The following SEMA3F variants were observed in gnomAD, a reference collection of about 807,000 sequenced individuals.
SEMA3F encodes the protein semaphorin-3F.
A neutral mutation model predicts 98.5 loss-of-function variants in SEMA3F; 30 were observed. The ratio of observed to expected loss-of-function variants is 0.30; its 90% CI spans 0.23 to 0.41. The LOEUF (loss-of-function observed/expected upper bound fraction) is 0.41, where lower values mean the gene tolerates loss of function less well. Among genes scored for constraint, SEMA3F ranks in the 10% least tolerant of loss-of-function variants. The pLI is 1.00. For synonymous variants in SEMA3F, 380 were observed against 444.8 expected (o/e 0.85, Z 1.83); for missense variants, 866 against 1,119.3 (o/e 0.77, Z 3.23).
chr3:50,183,659 C>T, intron 12 of SEMA3F, 95 bp downstream of exon 12: 1 of 1,374,948 alleles, frequency 7.3e-7, no homozygotes, highest in Non-Finnish European at 1.0e-6. Flanking sequence ...CATCATGGCC[C>T]TCCCAGCCAG....
intron 5 of SEMA3F, 51 bp from the exon 6 acceptor site, chr3:50,175,045 C>G: frequency 1.5e-6 from 2 of 1,309,414 alleles, no homozygotes; most frequent in Non-Finnish European, 2.2e-6. Flanking sequence ...CGAGCCCGCT[C>G]CCCCAGCCCC....
rs527805102 is a variant in SEMA3F at position 50,158,617 on chromosome 3, A to G, written c.-48-958A>G. 6.6e-6 allele frequency among the ~76,000 whole-genome samples: 1 copy of G among 152,114 alleles called. No individual in the cohort carries two copies. Among genetic ancestry groups the G allele is most frequent in the African/African-American group, 2.4e-5 (1 of 41,474 alleles). Reference sequence around the variant, plus strand: ...GGAGTACACAGGGCAGATCTGGGGGATGGGGCTCACATTTTCAGTCTCGAT... The same window carrying G: ...GGAGTACACAGGGCAGATCTGGGGGGTGGGGCTCACATTTTCAGTCTCGAT... On this transcript the variant is annotated intron_variant, in intron 1 of 18. Transcript: ENST00000002829. The surrounding 1 kb of genome is among the most constrained non-coding windows in gnomAD (Gnocchi z 4.8).
rs754266309 is a variant in SEMA3F at position 50,159,647 on chromosome 3, T to A, written c.25T>A (p.Trp9Arg). MLVAGLLL[W>R]ASLLTGAWPS... The stretch of plus-strand genomic sequence containing the variant: ...AATGCTTGTCGCCGGTCTTCTTCTC[T>A]GGGCTTCCCTACTGACCGGGGCCTG... The change falls in exon 2 of 19, where the codon TGG becomes AGG. Residue 9 changes from tryptophan (W) to arginine (R), a missense_variant. This residue lies in a region of SEMA3F where 247 missense variants were observed against 276.0 expected (regional missense o/e 0.89). Transcript: ENST00000002829. 6.2e-7 allele frequency: 1 copy of A among 1,612,376 alleles called. No individual in the cohort carries two copies.
intron 2 of SEMA3F, among the ~76,000 whole-genome samples, chr3:50,172,175 G>A (rs1238518836): frequency 1.3e-5 from 2 of 152,194 alleles, no homozygotes; most frequent in Non-Finnish European, 2.9e-5. Flanking sequence ...GGGGAGATGA[G>A]ACATGTGTGA....
chr3:50,183,535 G>A lies in SEMA3F; in HGVS notation c.1204G>A (p.Gly402Arg). 1 of 1,614,052 alleles carries A rather than the reference G, an allele frequency of 6.2e-7. No homozygotes were observed. Among genetic ancestry groups the A allele is most frequent in the East Asian group, 2.2e-5 (1 of 44,886 alleles). The part of the protein sequence containing the change: ...GPNYQWMPFS[G>R]KMPYPRPGTC... ...CAACTACCAGTGGATGCCCTTCTCA[G>A]GGAAGATGCCCTACCCACGGCCGGG... The change falls in exon 12 of 19, where the codon GGG (glycine) becomes AGG (arginine). Residue 402 changes from glycine (G) to arginine (R), a missense_variant. Gly to Arg is a moderately radical substitution (Grantham distance 125). Around this residue, in one of 3 missense-constraint regions of SEMA3F, gnomAD observed 374 missense variants for 582.8 expected, o/e 0.64. Transcript: ENST00000002829.
rs374355347 is a variant in SEMA3F at position 50,174,042 on chromosome 3, C to G, written c.274-10C>G. The G allele has an allele frequency of 8.4e-5, 135 of 1,614,100 alleles. No homozygotes were observed. In the East Asian group the frequency reaches 2.1e-3, roughly 25 times the overall value. On this transcript the variant is annotated splice_polypyrimidine_tract_variant and intron_variant, in intron 3 of 18. Transcript: ENST00000002829. Reference sequence around the variant, plus strand: ...CAGAAGGCTGCACCTTCTGACCCCCCTCTCTGCAGATACACTGGGCAGCCT... The same window carrying G: ...CAGAAGGCTGCACCTTCTGACCCCCGTCTCTGCAGATACACTGGGCAGCCT...
At position 50,183,416 on chromosome 3, in the gene SEMA3F, A is replaced by G. The variant is rs540063688; in HGVS notation, c.1089-4A>G. On this transcript the variant is annotated splice_region_variant and splice_polypyrimidine_tract_variant and intron_variant, in intron 11 of 18. Transcript: ENST00000002829. ...CTGCTCAGCAGCGCCTGCCATGCCCACAGCTCCGTGTTCCGAGGCTCTGCC... is the reference window on the plus strand; with the variant it reads ...CTGCTCAGCAGCGCCTGCCATGCCCGCAGCTCCGTGTTCCGAGGCTCTGCC... 5.0e-6 allele frequency: 8 copies of G among 1,613,748 alleles called. No homozygotes were observed. The highest frequency in any genetic ancestry group is 5.1e-6 in the Non-Finnish European group (6 of 1,179,942).
chr3:50,178,519 G>C (rs1040135456), intron 7 of SEMA3F, among the ~76,000 whole-genome samples: 20 of 151,704 alleles, frequency 1.3e-4, no homozygotes, highest in Non-Finnish European at 2.8e-4. Flanking sequence ...TCAGGAGTTC[G>C]AGACCAGGCT....
At position 50,166,645 on chromosome 3, in the gene SEMA3F, G is replaced by A. The variant is rs957137961; in HGVS notation, c.112+6911G>A. Among the ~76,000 whole-genome samples the A allele has an allele frequency of 2.6e-5, 4 of 152,184 alleles. No individual in the cohort carries two copies. The highest frequency in any genetic ancestry group is 4.1e-4 in the South Asian group (2 of 4,824). ...GCTAAGACTGTCTGGAACATCCCGG[G>A]AATCTCTGGGTGGGTGTTGTGAAGG... is the stretch of plus-strand genomic sequence containing the variant. On this transcript the variant is annotated intron_variant, in intron 2 of 18. Coordinates refer to ENST00000002829, the MANE Select transcript of SEMA3F (RefSeq NM_004186.5). The surrounding 1 kb of genome is among the most constrained non-coding windows in gnomAD (Gnocchi z 4.7).
rs768032336 is a variant in SEMA3F at position 50,175,123 on chromosome 3, G to T, written c.484G>T (p.Val162Phe). 2 of 1,611,432 alleles carry T rather than the reference G, an allele frequency of 1.2e-6. No individual in the cohort carries two copies. The highest frequency in any genetic ancestry group is 1.7e-6 in the Non-Finnish European group (2 of 1,179,276). Residue 162 changes from valine (V) to phenylalanine (F), a missense_variant, in exon 6 of 19, where the codon GTC becomes TTC. Val to Phe is a conservative substitution (Grantham distance 50). Transcript: ENST00000002829. Reference protein sequence around the residue: ...QATPWTQTQAVRGRGSRATDG... With the variant: ...QATPWTQTQAFRGRGSRATDG... The stretch of plus-strand genomic sequence containing the variant: ...CACACCATGGACCCAGACTCAGGCG[G>T]TCAGAGGCCGCGGCAGCAGAGCCAC...
chr3:50,161,582 T>C (rs2624840), intron 2 of SEMA3F, among the ~76,000 whole-genome samples: 137,778 of 152,312 alleles, frequency 0.9, 62,352 homozygotes, highest in African/African-American at 0.93. Flanking sequence ...ATCCCAGGGC[T>C]CCTGTGCCTT....
chr3:50,156,178 A>AT lies in SEMA3F; in HGVS notation c.-49+615dup, dbSNP rs1407915630. Reference sequence around the variant, plus strand: ...CTGCCTGGATTAGGGGCACGGCTGTATGTAGTGTGTAGGTGAGCTTGGAGA... The same window carrying AT: ...CTGCCTGGATTAGGGGCACGGCTGTATTGTAGTGTGTAGGTGAGCTTGGAGA... On this transcript the variant is annotated intron_variant, in intron 1 of 18. Transcript: ENST00000002829. The surrounding 1 kb of genome is among the most constrained non-coding windows in gnomAD (Gnocchi z 4.5). 2 of 152,336 alleles carry AT rather than the reference A, an allele frequency of 1.3e-5. No homozygotes were observed. Among genetic ancestry groups the AT allele is most frequent in the Non-Finnish European group, 2.9e-5 (2 of 68,142 alleles). 9.4% of individuals were successfully genotyped at this position (152,336 alleles called of 1,614,324 possible).
Position 50,187,927 on chromosome 3 carries a change from A to T in SEMA3F, c.2170A>T (p.Thr724Ser). The change falls in exon 19 of 19, where the codon ACG becomes TCG. Residue 724 changes from threonine (T) to serine (S), a missense_variant. Transcript: ENST00000002829. ...APPPPGAGPP[T>S]PPYQELAQLL... is the part of the protein sequence containing the mutation. ...GCCACCCCCAGGCGCAGGCCCCCCA[A>T]CGCCTCCTTACCAGGAGTTAGCCCA... 1 of 1,607,748 alleles carries T rather than the reference A, an allele frequency of 6.2e-7. No homozygotes were observed. Among genetic ancestry groups the T allele is most frequent in the East Asian group, 2.2e-5 (1 of 44,608 alleles).
Position 50,187,920 on chromosome 3 carries a change from C to G in SEMA3F, c.2163C>G (p.Gly721=). 6.2e-7 allele frequency: 1 copy of G among 1,606,886 alleles called. No homozygotes were observed. Among genetic ancestry groups the G allele is most frequent in the Non-Finnish European group, 8.5e-7 (1 of 1,176,300 alleles). Reference sequence around the variant, plus strand: ...GCGCCCCGCCACCCCCAGGCGCAGGCCCCCCAACGCCTCCTTACCAGGAGT... The same window carrying G: ...GCGCCCCGCCACCCCCAGGCGCAGGGCCCCCAACGCCTCCTTACCAGGAGT... ...SMSAPPPPGA[G]PPTPPYQELA... Residue 721 remains glycine (G), a synonymous_variant, in exon 19 of 19, where the codon GGC becomes GGG. Transcript: ENST00000002829.
intron 18 of SEMA3F, among the ~76,000 whole-genome samples, chr3:50,187,422 C>CAAAAAAAAAAAAAAAAAAAAAAAAAAA (rs901489365): frequency 1.7e-5 from 1 of 58,936 alleles, no homozygotes; most frequent in African/African-American, 5.3e-5. Context: ...GACCTTGTCT[C>CAAAAAAAAAAAAAAAAAAAAAAAAAAA]AAAAAAAAAA....
chr3:50,188,017 C>A lies in SEMA3F; in HGVS notation c.2260C>A (p.Pro754Thr). 1 of 1,600,148 alleles carries A rather than the reference C, an allele frequency of 6.2e-7. No homozygotes were observed. The highest frequency in any genetic ancestry group is 8.5e-7 in the Non-Finnish European group (1 of 1,174,292). The change falls in exon 19 of 19, where the codon CCC becomes ACC. Residue 754 changes from proline to threonine, a missense_variant. Transcript: ENST00000002829. The surrounding 1 kb of genome is among the most constrained non-coding windows in gnomAD (Gnocchi z 4.5). ...CTGCCAGGGTTACTGGCGCCATGTG[C>A]CCCCCAGCCCCAGGGAGGCTCCAGG... is the stretch of plus-strand genomic sequence containing the variant. ...QYCQGYWRHVPPSPREAPGAP... is the reference protein window; with the variant it reads ...QYCQGYWRHVTPSPREAPGAP...
Position 50,185,952 on chromosome 3 carries a change from T to C in SEMA3F, c.1651T>C (p.Tyr551His). 6.2e-7 allele frequency: 1 copy of C among 1,614,044 alleles called. No homozygotes were observed. The highest frequency in any genetic ancestry group is 8.5e-7 in the Non-Finnish European group (1 of 1,179,984). The part of the protein sequence containing the change: ...THLSLHRCQA[Y>H]GAACADCCLA... ...CCTGAGCCTGCACCGCTGCCAGGCG[T>C]ATGGGGCTGCCTGTGCTGACTGCTG... The change falls in exon 16 of 19, where the codon TAT (tyrosine) becomes CAT (histidine). Residue 551 changes from tyrosine (Y) to histidine (H), a missense_variant. Transcript: ENST00000002829.
At chr3:50,185,561 C>A (rs752747045) in intron 14 of SEMA3F, 30 bp downstream of exon 14, 2 of 1,612,386 alleles carry the variant, frequency 1.2e-6, no homozygotes, top group South Asian at 2.2e-5. Flanking sequence ...GTCCTGACCT[C>A]CCCACCTTTA....
chr3:50,156,041 T>C lies in SEMA3F; in HGVS notation c.-49+477T>C, dbSNP rs1575366171. 1 of 151,928 alleles carries C rather than the reference T, an allele frequency of 6.6e-6. No homozygotes were observed. The highest frequency in any genetic ancestry group is 2.4e-5 in the African/African-American group (1 of 41,346). 9.4% of individuals were successfully genotyped at this position (151,928 alleles called of 1,614,324 possible). On this transcript the variant is annotated intron_variant, in intron 1 of 18. Transcript: ENST00000002829. The surrounding 1 kb of genome is among the most constrained non-coding windows in gnomAD (Gnocchi z 4.5). ...ATACTGGCAGTCCCCACGTGGGGGG[T>C]CTCCCACATCAGCAGAGTGGGAGGA...
Sources: gnomAD v4.1 joint callset for allele counts (sites outside exome capture counted in the v4.1 genomes callset) on GRCh38, gnomAD v4.1.1 for gene constraint, gnomAD v4.1.1 regional missense constraint, Gnocchi (gnomAD v3.1) non-coding constraint, MANE v1.5 for transcripts, NCBI Gene and HGNC (gene_info 2026-07-23, HGNC 2026-07-21) for gene names.